The following MECOM variants were observed in gnomAD, a reference collection of about 807,000 sequenced individuals.
MECOM encodes the protein MDS1 and EVI1 complex locus.
In MECOM, 13 loss-of-function variants were observed where a neutral mutation model predicts 116.3. The observed-to-expected ratio is 0.11, with a 90% confidence interval of 0.07 to 0.18. The LOEUF is 0.18. Among genes scored for constraint, MECOM ranks in the 10% least tolerant of loss-of-function variants. The probability of loss-of-function intolerance (pLI) is 1.00; values close to 1 mark genes in which losing one functional copy is unlikely to be tolerated. For synonymous variants in MECOM, 528 were observed against 535.2 expected (o/e 0.99, Z 0.19); for missense variants, 1,299 against 1,509.0 (o/e 0.86, Z 2.31).
intron 1 of MECOM, among the ~76,000 whole-genome samples, chr3:169,590,621 A>G (rs1387157200): frequency 6.6e-6 from 1 of 152,236 alleles, no homozygotes; most frequent in Non-Finnish European, 1.5e-5. Context: ...AGGTACTTCT[A>G]TATGCATATT....
At chr3:169,466,803 T>TA (rs1214664870) in intron 1 of MECOM, among the ~76,000 whole-genome samples, 5 of 152,086 alleles carry the variant, frequency 3.3e-5, no homozygotes, top group African/African-American at 1.2e-4. Context: ...AACCTGGGTT[T>TA]AAAAAAAGAA....
chr3:169,250,774 CA>C (rs1204342236), intron 2 of MECOM, among the ~76,000 whole-genome samples: 1 of 151,826 alleles, frequency 6.6e-6, no homozygotes, highest in Non-Finnish European at 1.5e-5. Context: ...AGTATGAATT[CA>C]AAAAAAGGTA....
intron 13 of MECOM, among the ~76,000 whole-genome samples, chr3:169,094,531 A>T (rs1720895902): frequency 6.6e-6 from 1 of 152,210 alleles, no homozygotes; most frequent in Non-Finnish European, 1.5e-5. Flanking sequence ...TTCATATAAG[A>T]ATTTGTGACA....
intron 2 of MECOM, among the ~76,000 whole-genome samples, chr3:169,154,032 G>A (rs2149332040): frequency 6.6e-6 from 1 of 152,222 alleles, no homozygotes; most frequent in Non-Finnish European, 1.5e-5. Context: ...CCCTGACCTT[G>A]GAAGGGAAGA....
At chr3:169,652,416 A>G (rs970107619) in intron 1 of MECOM, among the ~76,000 whole-genome samples, 1 of 152,188 alleles carries the variant, frequency 6.6e-6, no homozygotes, top group Non-Finnish European at 1.5e-5. Context: ...CACTTAGAGG[A>G]GTTCCCATTG....
chr3:169,137,602 A>G (rs1736751062), intron 3 of MECOM, among the ~76,000 whole-genome samples: 1 of 152,118 alleles, frequency 6.6e-6, no homozygotes, highest in South Asian at 2.1e-4. Flanking sequence ...TCTAAAGACA[A>G]GAAAATATTA....
At chr3:169,495,460 C>T (rs1223023446) in intron 1 of MECOM, among the ~76,000 whole-genome samples, 1 of 152,064 alleles carries the variant, frequency 6.6e-6, no homozygotes, top group East Asian at 1.9e-4. Flanking sequence ...TTTTACACAC[C>T]TGTCTTTTTA....
chr3:169,282,601 A>T (rs1712320472), intron 2 of MECOM, among the ~76,000 whole-genome samples: 1 of 152,142 alleles, frequency 6.6e-6, no homozygotes, highest in Non-Finnish European at 1.5e-5. Context: ...CTGTATATTT[A>T]TTAGGTGCCC....
chr3:169,379,215 C>A (rs953012181), intron 2 of MECOM, among the ~76,000 whole-genome samples: 1 of 149,080 alleles, frequency 6.7e-6, no homozygotes, highest in South Asian at 2.1e-4. Context: ...CTGTGGAAAA[C>A]AAGTTTGCCA....
At chr3:169,501,695 G>A (rs1053589637) in intron 1 of MECOM, among the ~76,000 whole-genome samples, 28 of 151,938 alleles carry the variant, frequency 1.8e-4, no homozygotes, top group Non-Finnish European at 4.0e-4. Context: ...AACTTCCTTT[G>A]CTTAAAATCT....
chr3:169,438,610 C>T (rs62294341), intron 1 of MECOM, among the ~76,000 whole-genome samples: 1 of 152,168 alleles, frequency 6.6e-6, no homozygotes, highest in East Asian at 1.9e-4. Context: ...GCCCCATGCT[C>T]TGGCCGGGCA....
chr3:169,309,311 G>A (rs1273271033), intron 2 of MECOM, among the ~76,000 whole-genome samples: 3 of 152,132 alleles, frequency 2.0e-5, no homozygotes, highest in Non-Finnish European at 4.4e-5. Context: ...GTCCATGTGA[G>A]TATGCAAATG....
chr3:169,524,758 A>G (rs1195114694), intron 1 of MECOM, among the ~76,000 whole-genome samples: 1 of 152,152 alleles, frequency 6.6e-6, no homozygotes, highest in Non-Finnish European at 1.5e-5. Context: ...TAAATCCATT[A>G]AGGAGAGCTT....
chr3:169,319,634 G>A (rs1212026068), intron 2 of MECOM, among the ~76,000 whole-genome samples: 4 of 152,168 alleles, frequency 2.6e-5, no homozygotes, highest in Non-Finnish European at 5.9e-5. Context: ...TAACGGTTGG[G>A]AAGAAGAGAG....
chr3:169,576,829 A>ACT (rs1764557668), intron 1 of MECOM, among the ~76,000 whole-genome samples: 1 of 132,334 alleles, frequency 7.6e-6, no homozygotes, highest in Non-Finnish European at 1.7e-5. Context: ...ACACACACAC[A>ACT]CACACACACA....
intron 1 of MECOM, among the ~76,000 whole-genome samples, chr3:169,442,788 C>T (rs544400052): frequency 6.6e-6 from 1 of 152,316 alleles, no homozygotes; most frequent in South Asian, 2.1e-4. Context: ...ACTTTGGAAA[C>T]ACCACCATCG....
At chr3:169,361,160 C>T (rs1269987672) in intron 2 of MECOM, among the ~76,000 whole-genome samples, 4 of 151,876 alleles carry the variant, frequency 2.6e-5, no homozygotes, top group African/African-American at 7.2e-5. Context: ...TCTTACCTCT[C>T]TCAACCCTGC....
chr3:169,444,651 T>C (rs1744302836), intron 1 of MECOM, among the ~76,000 whole-genome samples: 1 of 152,060 alleles, frequency 6.6e-6, no homozygotes, highest in Admixed American at 6.6e-5. Flanking sequence ...AACAAGTAAA[T>C]TGGTACCAGT....
At chr3:169,500,051 A>G (rs1560360579) in intron 1 of MECOM, among the ~76,000 whole-genome samples, 1 of 152,070 alleles carries the variant, frequency 6.6e-6, no homozygotes, top group Non-Finnish European at 1.5e-5. Flanking sequence ...ACTATATTCA[A>G]TCAGTTACAT....
Sources: allele counts gnomAD v4.1 joint callset (sites outside exome capture counted in the v4.1 genomes callset), GRCh38; gene constraint gnomAD v4.1.1; transcripts MANE v1.5; gene names NCBI Gene and HGNC (gene_info 2026-07-23, HGNC 2026-07-21).